MAK: variants seen among roughly 807,000 people sequenced by gnomAD.
MAK encodes the protein serine/threonine-protein kinase MAK.
Under a neutral mutation model 82.6 loss-of-function variants are expected in MAK, and 65 were observed. That is an observed-to-expected ratio of 0.79 (90% CI 0.64 to 0.97). MAK has a LOEUF of 0.97. MAK is among the 50% of genes least tolerant of loss of function. The pLI is 0.00. For synonymous variants in MAK, 250 were observed against 274.2 expected (o/e 0.91, Z 0.87); for missense variants, 703 against 780.2 (o/e 0.90, Z 1.18).
chr6:10,826,861 C>T (rs941329602), intron 2 of MAK, among the ~76,000 whole-genome samples: 9 of 152,156 alleles, frequency 5.9e-5, no homozygotes, highest in Admixed American at 2.6e-4. Context: ...CCTGTAATCC[C>T]AGCACTTTGG....
At chr6:10,812,779 T>C (rs1777042842) in intron 5 of MAK, among the ~76,000 whole-genome samples, 1 of 152,006 alleles carries the variant, frequency 6.6e-6, no homozygotes, top group Admixed American at 6.6e-5. Context: ...TTTTTATTTT[T>C]TGAGATGGAG....
chr6:10,777,466 T>G (rs544666704), intron 11 of MAK, among the ~76,000 whole-genome samples: 2 of 152,094 alleles, frequency 1.3e-5, no homozygotes, highest in South Asian at 4.1e-4. Flanking sequence ...GGTAAAACAT[T>G]AAAAATCTGT....
chr6:10,783,707 A>G (rs1774221571), intron 11 of MAK, among the ~76,000 whole-genome samples: 1 of 152,234 alleles, frequency 6.6e-6, no homozygotes, highest in Non-Finnish European at 1.5e-5. Flanking sequence ...TCTTCCGAGC[A>G]GGCAGAATCT....
At chr6:10,836,797 G>T (rs1779173855) in intron 1 of MAK, among the ~76,000 whole-genome samples, 1 of 152,080 alleles carries the variant, frequency 6.6e-6, no homozygotes. Flanking sequence ...TAAAAACTTG[G>T]AATTTTCTAC....
rs1775727225 is a variant in MAK, at chr6:10,798,230, T to G, written c.832-1921A>C. 2.0e-5 allele frequency among the ~76,000 whole-genome samples: 3 copies of G among 149,478 alleles called. No individual in the cohort carries two copies. The South Asian group carries it at 6.5e-4, about 33-fold the overall frequency. On this transcript the variant is annotated intron_variant, in intron 8 of 14. Transcript: ENST00000354489. ...CCTGGGTTCAAGCAATTCTCCTGCCTCAGCCTCCCGAGTAGCTGGGATTAC... is the reference window on the plus strand; with the variant it reads ...CCTGGGTTCAAGCAATTCTCCTGCCGCAGCCTCCCGAGTAGCTGGGATTAC...
intron 11 of MAK, among the ~76,000 whole-genome samples, chr6:10,781,150 T>G (rs1032941557): frequency 2.0e-5 from 3 of 152,162 alleles, no homozygotes; most frequent in Admixed American, 6.6e-5. Flanking sequence ...TCTAAGCTCC[T>G]CTTCACAGCC....
At chr6:10,804,237 A>G (rs536141502) in intron 6 of MAK, among the ~76,000 whole-genome samples, 39 of 152,368 alleles carry the variant, frequency 2.6e-4, no homozygotes, top group African/African-American at 9.4e-4. Context: ...GCATCTATTC[A>G]CAAGGAAGCA....
chr6:10,782,792 GGT>G (rs1451260388), intron 11 of MAK, among the ~76,000 whole-genome samples: 1 of 151,994 alleles, frequency 6.6e-6, no homozygotes, highest in African/African-American at 2.4e-5. Flanking sequence ...TGGTCAGGCT[GGT>G]CTCAAACTCC....
intron 11 of MAK, chr6:10,779,468 C>T (rs1773763637): frequency 1.0e-6 from 1 of 985,160 alleles, no homozygotes; most frequent in Non-Finnish European, 1.2e-6. Flanking sequence ...CACAGATCCG[C>T]CAGTCCTTGT....
chr6:10,826,040 A>G (rs1778340347), intron 2 of MAK, among the ~76,000 whole-genome samples: 1 of 152,166 alleles, frequency 6.6e-6, no homozygotes, highest in Non-Finnish European at 1.5e-5. Flanking sequence ...ATGACCTTCT[A>G]GTCTTCAAGA....
intron 2 of MAK, among the ~76,000 whole-genome samples, chr6:10,829,732 A>C (rs557434283): frequency 6.6e-6 from 1 of 152,236 alleles, no homozygotes; most frequent in Non-Finnish European, 1.5e-5. Context: ...GTAATATAGA[A>C]GAAAAACAGC....
In MAK at chr6:10,791,700, T is replaced by A. The variant is rs757149659; in HGVS notation, c.1291A>T (p.Lys431Ter). The change falls in exon 10 of 15, where the codon AAA (lysine) becomes TAA (stop). Residue 431 changes from lysine to a stop codon, truncating the protein, a stop_gained. Transcript: ENST00000354489. LOFTEE classifies it high-confidence loss of function. ...CGAAATGGAGAATCTTTTTTCCTTT[T>A]TTCTTTAAAAACACCCATGCTTGGC... The part of the protein sequence containing the change: ...KKPSMGVFKE[K>*]RKKDSPFRLP... 3 of 1,614,040 alleles carry A rather than the reference T, an allele frequency of 1.9e-6. No individual in the cohort carries two copies. Among genetic ancestry groups the A allele is most frequent in the Non-Finnish European group, 1.7e-6 (2 of 1,179,994 alleles).
intron 8 of MAK, among the ~76,000 whole-genome samples, chr6:10,798,620 C>T (rs952885651): frequency 8.6e-5 from 13 of 151,682 alleles, no homozygotes; most frequent in Admixed American, 2.6e-4. Flanking sequence ...TTATACTTTT[C>T]GGTATTTTTT....
chr6:10,774,151 T>C (rs967200862), intron 12 of MAK, among the ~76,000 whole-genome samples: 22 of 152,308 alleles, frequency 1.4e-4, no homozygotes, highest in Admixed American at 1.4e-3. Flanking sequence ...CCAAATGTAA[T>C]CTTAGGCTTA....
intron 5 of MAK, among the ~76,000 whole-genome samples, chr6:10,809,568 A>C (rs1776760355): frequency 6.6e-6 from 1 of 152,182 alleles, no homozygotes; most frequent in Non-Finnish European, 1.5e-5. Context: ...ATCAGGCTTG[A>C]GTCAGTGCAG....
In MAK at chr6:10,802,051, CCAGT is replaced by C. The variant is rs868081622; in HGVS notation, c.668_671del (p.Asp223GlyfsTer11). On this transcript the variant is annotated frameshift_variant, in exon 8 of 15. Transcript: ENST00000354489. LOFTEE classifies it high-confidence loss of function. Reference sequence around the variant, plus strand: ...AGGATGCCAGCTGGTATCCTTCTGGCCAGTCACTCTGTTTCAGGAATATATAAGT... The same window carrying C: ...AGGATGCCAGCTGGTATCCTTCTGGCCACTCTGTTTCAGGAATATATAAGT... 11 of 1,613,856 alleles carry C rather than the reference CCAGT, an allele frequency of 6.8e-6. No individual in the cohort carries two copies. In the Admixed American group the frequency reaches 8.3e-5, roughly 12 times the overall value.
At chr6:10,835,062 G>A (rs1043498511) in intron 1 of MAK, among the ~76,000 whole-genome samples, 11 of 152,178 alleles carry the variant, frequency 7.2e-5, no homozygotes, top group African/African-American at 2.7e-4. Flanking sequence ...CCGCTCCCCC[G>A]CCCCACGCAG....
rs1351673737 is a variant in MAK at position 10,800,536 on chromosome 6, T to C, written c.831+1356A>G. Among the ~76,000 whole-genome samples, 1 of 152,044 alleles carries C rather than the reference T, an allele frequency of 6.6e-6. No individual in the cohort carries two copies. Among genetic ancestry groups the C allele is most frequent in the East Asian group, 1.9e-4 (1 of 5,190 alleles). On this transcript the variant is annotated intron_variant, in intron 8 of 14. Transcript: ENST00000354489. This position sits in a 1 kb window ranked among gnomAD's most constrained non-coding sequence, Gnocchi z 4.2. Reference sequence around the variant, plus strand: ...TAACAGTTTAGGGTGCTTTTTTTTTTACACTTTGAAAATGTAATCCTGGTC... The same window carrying C: ...TAACAGTTTAGGGTGCTTTTTTTTTCACACTTTGAAAATGTAATCCTGGTC...
rs186904139 is a variant in MAK at position 10,784,182 on chromosome 6, G to C, written c.1465+242C>G. Among the ~76,000 whole-genome samples, 5 of 152,110 alleles carry C rather than the reference G, an allele frequency of 3.3e-5. No homozygotes were observed. The East Asian group carries it at 9.6e-4, about 29-fold the overall frequency. On this transcript the variant is annotated intron_variant, in intron 11 of 14. Coordinates refer to ENST00000354489, the MANE Select transcript of MAK (RefSeq NM_001242957.3). ...ATAGCTTTGGTGGGGGGTGGGGGTT[G>C]GTGTTTTCTGGAAGCATATTCATCA...
Sources: allele counts gnomAD v4.1 joint callset (sites outside exome capture counted in the v4.1 genomes callset), GRCh38; gene constraint gnomAD v4.1.1; non-coding constraint Gnocchi (gnomAD v3.1); transcripts MANE v1.5; gene names NCBI Gene and HGNC (gene_info 2026-07-23, HGNC 2026-07-21).